The following EPHA10 variants were observed in gnomAD, a reference collection of about 807,000 sequenced individuals.
EPHA10 encodes ephrin type-A receptor 10.
Under a neutral mutation model 109.7 loss-of-function variants are expected in EPHA10, and 120 were observed. That is an observed-to-expected ratio of 1.09 (90% CI 0.94 to 1.27). The LOEUF (loss-of-function observed/expected upper bound fraction) is 1.27, where lower values mean the gene tolerates loss of function less well. Ranked by LOEUF, EPHA10 falls within the 50% of genes most tolerant of loss-of-function variation. The pLI is 0.00. For missense variants in EPHA10, 1,396 were observed against 1,411.1 expected (o/e 0.99, Z 0.17); for synonymous variants, 640 against 618.9 (o/e 1.03, Z -0.51).
chr1:37,725,372 G>A (rs1420337956), intron 8 of EPHA10, among the ~76,000 whole-genome samples: 1 of 151,992 alleles, frequency 6.6e-6, no homozygotes, highest in Admixed American at 6.6e-5. Flanking sequence ...TGGATATGGT[G>A]GCACGGGCCT....
chr1:37,749,574 G>A (rs1358002050), intron 5 of EPHA10, among the ~76,000 whole-genome samples: 1 of 151,894 alleles, frequency 6.6e-6, no homozygotes, highest in Non-Finnish European at 1.5e-5. Flanking sequence ...TCAGGAGGCT[G>A]AGGCAGGAGA....
At chr1:37,719,266 G>C in intron 15 of EPHA10, 148 bp downstream of exon 15, 1 of 916,500 alleles carries the variant, frequency 1.1e-6, no homozygotes, top group South Asian at 1.7e-5. Context: ...GCCTGGGCAG[G>C]CAGGCAGGCT....
chr1:37,724,244 A>G (rs1645850413), intron 8 of EPHA10, among the ~76,000 whole-genome samples: 1 of 152,090 alleles, frequency 6.6e-6, no homozygotes, highest in South Asian at 2.1e-4. Flanking sequence ...GAAGAGGGAG[A>G]AGTTGCCCAC....
At position 37,727,186 on chromosome 1, in the gene EPHA10, C is replaced by A. The variant is rs745562020; in HGVS notation, c.1688G>T (p.Ser563Ile). 2 of 1,610,680 alleles carry A rather than the reference C, an allele frequency of 1.2e-6. No homozygotes were observed. Among genetic ancestry groups the A allele is most frequent in the South Asian group, 1.1e-5 (1 of 90,648 alleles). ...CACTACGGTGACGACAATGGCGGGGCTCTGGTCCCTGGACCCTGAGGCAGC... is the reference window on the plus strand; with the variant it reads ...CACTACGGTGACGACAATGGCGGGGATCTGGTCCCTGGACCCTGAGGCAGC... ...GEAASGSRDQ[S>I]PAIVVTVVTI... Residue 563 changes from serine (S) to isoleucine (I), a missense_variant, in exon 8 of 17, where the codon AGC becomes ATC. Coordinates refer to ENST00000373048, the MANE Select transcript of EPHA10 (RefSeq NM_001099439.2).
At chr1:37,726,878 C>T (rs1197846055) in intron 8 of EPHA10, among the ~76,000 whole-genome samples, 2 of 152,226 alleles carry the variant, frequency 1.3e-5, no homozygotes, top group African/African-American at 4.8e-5. Flanking sequence ...GGCGCTAAAT[C>T]CCCTTCATCC....
At chr1:37,760,160 C>T (rs1189147390) in intron 3 of EPHA10, 1 of 459,694 alleles carries the variant, frequency 2.2e-6, no homozygotes. Flanking sequence ...CATATATTAC[C>T]CTCTTGTGAT....
chr1:37,759,768 C>T lies in EPHA10; in HGVS notation c.850+1637G>A, dbSNP rs1646416564. ...TATGAATAGCTGCTACACGCAAGCC[C>T]AGGCAACATAGACAAACCCCCATTT... is the stretch of plus-strand genomic sequence containing the variant. On this transcript the variant is annotated intron_variant, in intron 3 of 16. Transcript: ENST00000373048. 4.0e-5 allele frequency among the ~76,000 whole-genome samples: 6 copies of T among 150,194 alleles called. No homozygotes were observed. In the South Asian group the frequency reaches 1.3e-3, roughly 32 times the overall value.
chr1:37,753,050 G>A lies in EPHA10; in HGVS notation c.1183C>T (p.Arg395Cys). The A allele has an allele frequency of 8.0e-7, 1 of 1,247,702 alleles. No individual in the cohort carries two copies. Among genetic ancestry groups the A allele is most frequent in the Non-Finnish European group, 1.0e-6 (1 of 998,440 alleles). 77.3% of individuals were successfully genotyped at this position (1,247,702 alleles called of 1,614,324 possible). ...PAGACEPCGP[R>C]VAFLPRQAGL... Reference sequence around the variant, plus strand: ...GCCTGGCGCGGTAGGAAGGCCACGCGCGGCCCGCACGGCTCGCAGGCGCCC... The same window carrying A: ...GCCTGGCGCGGTAGGAAGGCCACGCACGGCCCGCACGGCTCGCAGGCGCCC... Residue 395 changes from arginine to cysteine, a missense_variant, in exon 5 of 17, where the codon CGC becomes TGC. Transcript: ENST00000373048.
At chr1:37,749,739 C>T (rs2148358667) in intron 5 of EPHA10, among the ~76,000 whole-genome samples, 1 of 151,880 alleles carries the variant, frequency 6.6e-6, no homozygotes, top group Middle Eastern at 3.5e-3. Context: ...TACCATCATG[C>T]ATTGCTAAAT....
rs1646356899 is a variant in EPHA10, at chr1:37,753,177, C to A, written c.1056G>T (p.Pro352=). 1 of 1,399,394 alleles carries A rather than the reference C, an allele frequency of 7.1e-7. No homozygotes were observed. The highest frequency in any genetic ancestry group is 9.3e-7 in the Non-Finnish European group (1 of 1,078,042). The allele number at this position is 1,399,394 out of a possible 1,614,324, so 86.7% of individuals were successfully genotyped here. A position where few individuals can be genotyped will look rare whatever the true frequency, so the allele number is the denominator to read the frequency against. The change falls in exon 5 of 17, where the codon CCG becomes CCT. Residue 352 remains proline (P), a synonymous_variant. Coordinates refer to ENST00000373048, the MANE Select transcript of EPHA10 (RefSeq NM_001099439.2). ...RDLQYSLSRS[P]LVLRLRWLPP... is the part of the protein sequence containing the mutation. ...GCAGCCAGCGCAGTCGCAGCACCAG[C>A]GGCGAGCGGCTCAGGCTGTACTGCA... is the stretch of plus-strand genomic sequence containing the variant.
chr1:37,763,391 C>T (rs1646449954), intron 1 of EPHA10, among the ~76,000 whole-genome samples: 2 of 152,198 alleles, frequency 1.3e-5, no homozygotes, highest in South Asian at 2.1e-4. Flanking sequence ...CATACAAGGA[C>T]CATTGTGATT....
intron 5 of EPHA10, among the ~76,000 whole-genome samples, chr1:37,746,367 G>A (rs1569732791): frequency 6.6e-6 from 1 of 151,978 alleles, no homozygotes; most frequent in South Asian, 2.1e-4. Context: ...AAAGTCCTGG[G>A]ATTACAGGCG....
intron 6 of EPHA10, 101 bp downstream of exon 6, chr1:37,735,156 G>T: frequency 6.9e-7 from 1 of 1,452,566 alleles, no homozygotes; most frequent in Non-Finnish European, 9.4e-7. Context: ...GTTTACAAAG[G>T]GAGTAACGAG....
At position 37,754,059 on chromosome 1, in the gene EPHA10, T is replaced by TC. The variant is rs567978252; in HGVS notation, c.1006+155dup. On this transcript the variant is annotated intron_variant, in intron 4 of 16. Transcript: ENST00000373048. This position sits in a 1 kb window ranked among gnomAD's most constrained non-coding sequence, Gnocchi z 4.5. Reference sequence around the variant, plus strand: ...CCCCCAGGGCGCGTCCAGGCTCCGCTCCCCCGTACGCCGCCTTCCGGGGCG... The same window carrying TC: ...CCCCCAGGGCGCGTCCAGGCTCCGCTCCCCCCGTACGCCGCCTTCCGGGGCG... 3.9e-5 allele frequency among the ~76,000 whole-genome samples: 6 copies of TC among 152,136 alleles called. No homozygotes were observed. The East Asian group carries it at 9.7e-4, about 24-fold the overall frequency.
intron 6 of EPHA10, among the ~76,000 whole-genome samples, chr1:37,732,863 C>CTTTGTTTTT (rs1646008876): frequency 4.0e-5 from 1 of 25,004 alleles, no homozygotes; most frequent in South Asian, 1.8e-3. Flanking sequence ...TATACTTGTT[C>CTTTGTTTTT]TTTTTTTTTT....
rs1378630258 is a variant in EPHA10 at position 37,719,666 on chromosome 1, GTGCACACACACA to G, written c.2563-71_2563-60del. The G allele has an allele frequency of 2.2e-4, 345 of 1,585,726 alleles. 2 individuals carry two copies. In the South Asian group the frequency reaches 3.5e-3, roughly 16 times the overall value. On this transcript the variant is annotated intron_variant, in intron 14 of 16. Transcript: ENST00000373048. ...TCTGGGTTTCCCCAGCATATGGTGT[GTGCACACACACA>G]TGCACACACACAGACACAGACACAC...
intron 15 of EPHA10, 58 bp from the exon 16 acceptor site, chr1:37,718,874 G>A: frequency 6.5e-7 from 1 of 1,537,524 alleles, no homozygotes; most frequent in Non-Finnish European, 8.8e-7. Context: ...CACACCTGGT[G>A]GTCTCCCGGG....
At position 37,718,724 on chromosome 1, in the gene EPHA10, T is replaced by C. The variant is rs1467947021; in HGVS notation, c.2849A>G (p.Tyr950Cys). The change falls in exon 16 of 17, where the codon TAC becomes TGC. Residue 950 changes from tyrosine to cysteine, a missense_variant. Coordinates refer to ENST00000373048, the MANE Select transcript of EPHA10 (RefSeq NM_001099439.2). Reference sequence around the variant, plus strand: ...GCCAGCAGCCGCGAAGCTGTCCTTGTAGCGGCACAGGTCCAGGGCCTCCAG... The same window carrying C: ...GCCAGCAGCCGCGAAGCTGTCCTTGCAGCGGCACAGGTCCAGGGCCTCCAG... Reference protein sequence around the residue: ...AWLEALDLCRYKDSFAAAGYG... With the variant: ...AWLEALDLCRCKDSFAAAGYG... 6.2e-7 allele frequency: 1 copy of C among 1,613,080 alleles called. No homozygotes were observed. The highest frequency in any genetic ancestry group is 8.5e-7 in the Non-Finnish European group (1 of 1,180,006).
At position 37,720,554 on chromosome 1, in the gene EPHA10, G is replaced by T; in HGVS notation, c.2209C>A (p.Arg737=). 1 of 1,607,694 alleles carries T rather than the reference G, an allele frequency of 6.2e-7. No homozygotes were observed. The highest frequency in any genetic ancestry group is 1.1e-5 in the South Asian group (1 of 90,214). ...CCAGCCACCAGCTGCCCCTCGTGCCGCTGTGGAGGGAGAAGACTGAGGCCA... is the reference window on the plus strand; with the variant it reads ...CCAGCCACCAGCTGCCCCTCGTGCCTCTGTGGAGGGAGAAGACTGAGGCCA... ...SHGALDGFLR[R]HEGQLVAGQL... The change falls in exon 13 of 17, where the codon CGG becomes AGG. Residue 737 remains arginine, a splice_region_variant and synonymous_variant. Transcript: ENST00000373048.
Sources: allele counts gnomAD v4.1 joint callset (sites outside exome capture counted in the v4.1 genomes callset), GRCh38; gene constraint gnomAD v4.1.1; non-coding constraint Gnocchi (gnomAD v3.1); transcripts MANE v1.5; gene names NCBI Gene and HGNC (gene_info 2026-07-23, HGNC 2026-07-21).